The following FAM227A variants were observed in gnomAD, a reference collection of about 807,000 sequenced individuals.
The protein encoded by FAM227A is protein FAM227A.
A neutral mutation model predicts 74.7 loss-of-function variants in FAM227A; 80 were observed. The observed-to-expected ratio is 1.07, with a 90% CI of 0.89 to 1.29. The LOEUF (loss-of-function observed/expected upper bound fraction) is 1.29. Among genes scored for constraint, FAM227A ranks in the 50% most tolerant of loss-of-function variants. The pLI is 0.00. For missense variants in FAM227A, 654 were observed against 683.4 expected (o/e 0.96, Z 0.48); for synonymous variants, 237 against 241.8 (o/e 0.98, Z 0.19).
At position 38,583,170 on chromosome 22, in the gene FAM227A, A is replaced by AT; in HGVS notation, c.*2954_*2955insA. ...ACACGTTCTGGTTTCAGAAGACTATACTTTTTTTTTTTTTTTTTTGAGATG... is the reference window on the plus strand; with the variant it reads ...ACACGTTCTGGTTTCAGAAGACTATATCTTTTTTTTTTTTTTTTTTGAGATG... On this transcript the variant is annotated 3_prime_UTR_variant, in exon 17 of 17. Transcript: ENST00000535113. 2.0e-5 allele frequency: 7 copies of AT among 357,896 alleles called. No individual in the cohort carries two copies. The highest frequency in any genetic ancestry group is 4.5e-5 in the Admixed American group (1 of 21,980). 22.2% of individuals were successfully genotyped at this position (357,896 alleles called of 1,614,324 possible).
At chr22:38,595,108 A>G (rs1267456578) in intron 15 of FAM227A, among the ~76,000 whole-genome samples, 1 of 152,214 alleles carries the variant, frequency 6.6e-6, no homozygotes, top group Non-Finnish European at 1.5e-5. Context: ...AAAAATATAT[A>G]AAAATAAAAA....
chr22:38,598,957 C>CTTT (rs71197121), intron 14 of FAM227A, among the ~76,000 whole-genome samples: 1 of 136,274 alleles, frequency 7.3e-6, no homozygotes, highest in Non-Finnish European at 1.6e-5. Flanking sequence ...TGTTTTCTTT[C>CTTT]TTTTTTTTTT....
chr22:38,627,886 G>A (rs1157571975), intron 8 of FAM227A, among the ~76,000 whole-genome samples: 1 of 152,102 alleles, frequency 6.6e-6, no homozygotes, highest in Non-Finnish European at 1.5e-5. Flanking sequence ...TTACAGGTGT[G>A]AGCCACCATG....
chr22:38,593,722 A>G (rs1483018638), intron 15 of FAM227A, among the ~76,000 whole-genome samples: 1 of 151,786 alleles, frequency 6.6e-6, no homozygotes, highest in East Asian at 1.9e-4. Context: ...ACAGGGTCTC[A>G]CTCTGTCACC....
Position 38,597,451 on chromosome 22 carries a change from T to C in FAM227A, c.1380-95A>G, listed in dbSNP as rs2091072629. On this transcript the variant is annotated intron_variant, in intron 14 of 16. Transcript: ENST00000535113. ...GCGCAGTGCATGGGGAAGAGGGGCATGGAGGACAGAACAGGGAAAATGCCC... is the reference window on the plus strand; with the variant it reads ...GCGCAGTGCATGGGGAAGAGGGGCACGGAGGACAGAACAGGGAAAATGCCC... The C allele has an allele frequency of 5.6e-6, 7 of 1,239,466 alleles. No individual in the cohort carries two copies. The Admixed American group carries it at 1.4e-4, about 24-fold the overall frequency. 76.8% of individuals were successfully genotyped at this position (1,239,466 alleles called of 1,614,324 possible). A position where few individuals can be genotyped will look rare whatever the true frequency, so the allele number is the denominator to read the frequency against.
At chr22:38,615,285 A>T (rs2091552042) in intron 11 of FAM227A, among the ~76,000 whole-genome samples, 1 of 152,226 alleles carries the variant, frequency 6.6e-6, no homozygotes, top group Non-Finnish European at 1.5e-5. Flanking sequence ...GGCCTCCCAA[A>T]GTGCTGAAGA....
intron 11 of FAM227A, among the ~76,000 whole-genome samples, chr22:38,614,830 A>C (rs1180289250): frequency 1.3e-5 from 2 of 152,172 alleles, no homozygotes; most frequent in African/African-American, 4.8e-5. Context: ...GCAGTACCCA[A>C]ACACTGAATA....
At chr22:38,611,141 G>A (rs1233765233) in intron 11 of FAM227A, among the ~76,000 whole-genome samples, 3 of 152,310 alleles carry the variant, frequency 2.0e-5, no homozygotes, top group East Asian at 1.9e-4. Flanking sequence ...GAGGCAAGGT[G>A]ACTACCATAA....
At chr22:38,635,187 C>T (rs1170848350) in intron 6 of FAM227A, among the ~76,000 whole-genome samples, 1 of 141,516 alleles carries the variant, frequency 7.1e-6, no homozygotes, top group Non-Finnish European at 1.5e-5. Context: ...GATCGCGCCA[C>T]TGCACTCTGT....
intron 3 of FAM227A, among the ~76,000 whole-genome samples, chr22:38,641,156 G>A (rs1369403604): frequency 6.6e-6 from 1 of 152,082 alleles, no homozygotes; most frequent in East Asian, 1.9e-4. Flanking sequence ...GCTGAAAGAA[G>A]AGCAAGTTTT....
intron 16 of FAM227A, among the ~76,000 whole-genome samples, chr22:38,588,615 TAAAAAAAA>T (rs757871619): frequency 5.0e-4 from 24 of 47,878 alleles, no homozygotes; most frequent in African/African-American, 2.0e-3. Flanking sequence ...TGACTCTGTC[TAAAAAAAA>T]AAAAAAAAAA....
At chr22:38,615,385 T>C (rs1043264253) in intron 11 of FAM227A, among the ~76,000 whole-genome samples, 4 of 152,112 alleles carry the variant, frequency 2.6e-5, no homozygotes, top group Admixed American at 1.3e-4. Flanking sequence ...AACAGGAAGA[T>C]AAGTACTGTA....
At chr22:38,630,826 G>A (rs1010667087) in intron 6 of FAM227A, among the ~76,000 whole-genome samples, 1 of 152,204 alleles carries the variant, frequency 6.6e-6, no homozygotes, top group African/African-American at 2.4e-5. Context: ...GGAGCCCAGA[G>A]AGGGCATCTC....
At chr22:38,586,319 G>T in intron 16 of FAM227A, 120 bp from the exon 17 acceptor site, 1 of 1,102,476 alleles carries the variant, frequency 9.1e-7, no homozygotes. Context: ...GGAATATTGA[G>T]GGCGTGCTCC....
In FAM227A at chr22:38,586,077, A is replaced by G. The variant is rs1730026911; in HGVS notation, c.*48T>C. 6 of 1,551,856 alleles carry G rather than the reference A, an allele frequency of 3.9e-6. No individual in the cohort carries two copies. The highest frequency in any genetic ancestry group is 2.0e-5 in the Admixed American group (1 of 50,918). The stretch of plus-strand genomic sequence containing the variant: ...TGTTCCACTCCACCTCGTAGCAGAA[A>G]TATCACGGATTCTGTAGGCGCTTCC... On this transcript the variant is annotated 3_prime_UTR_variant, in exon 17 of 17. Coordinates refer to ENST00000535113, the MANE Select transcript of FAM227A (RefSeq NM_001013647.2).
intron 11 of FAM227A, among the ~76,000 whole-genome samples, chr22:38,609,380 A>T (rs1351437911): frequency 6.6e-6 from 1 of 152,202 alleles, no homozygotes. Context: ...GACAACAGAT[A>T]TTGGGAAACA....
intron 6 of FAM227A, among the ~76,000 whole-genome samples, chr22:38,631,185 C>CAA (rs573786155): frequency 1.3e-5 from 2 of 152,042 alleles, no homozygotes; most frequent in African/African-American, 4.8e-5. Flanking sequence ...CAAAACAAAA[C>CAA]AAAAACTGGA....
chr22:38,593,037 T>A (rs889284085), intron 15 of FAM227A, among the ~76,000 whole-genome samples: 3 of 152,206 alleles, frequency 2.0e-5, no homozygotes, highest in African/African-American at 7.2e-5. Flanking sequence ...TAGTCCATGG[T>A]CACAGAACCA....
At chr22:38,596,597 A>G (rs1382224537) in intron 15 of FAM227A, among the ~76,000 whole-genome samples, 4 of 152,252 alleles carry the variant, frequency 2.6e-5, no homozygotes, top group African/African-American at 9.6e-5. Context: ...AATTTGGATT[A>G]GCTATTAGAG....
Sources: gnomAD v4.1 joint callset for allele counts (sites outside exome capture counted in the v4.1 genomes callset) on GRCh38, gnomAD v4.1.1 for gene constraint, MANE v1.5 for transcripts, NCBI Gene and HGNC (gene_info 2026-07-23, HGNC 2026-07-21) for gene names.